Variants in ARHGAP15 observed in about 807,000 individuals in gnomAD.
ARHGAP15 encodes Rho GTPase activating protein 15.
A neutral mutation model predicts 63.7 loss-of-function variants in ARHGAP15; 51 were observed. The observed-to-expected ratio is 0.80, with a 90% CI of 0.64 to 1.01. ARHGAP15 has a LOEUF of 1.01. Among genes scored for constraint, ARHGAP15 ranks in the 50% least tolerant of loss-of-function variants. ARHGAP15 has a pLI of 0.00. For missense variants in ARHGAP15, 560 were observed against 564.6 expected, an observed-to-expected ratio of 0.99 and a Z score of 0.08; for synonymous variants, 191 against 193.8, an observed-to-expected ratio of 0.99 and a Z score of 0.12.
chr2:143,187,083 A>G (rs1452945961), intron 2 of ARHGAP15, among the ~76,000 whole-genome samples: 3 of 152,220 alleles, frequency 2.0e-5, no homozygotes, highest in Middle Eastern at 3.4e-3. Context: ...CAGCCAAGAG[A>G]TTATTTTGCA....
intron 2 of ARHGAP15, among the ~76,000 whole-genome samples, chr2:143,156,220 A>T (rs985034078): frequency 6.6e-6 from 1 of 151,888 alleles, no homozygotes; most frequent in Non-Finnish European, 1.5e-5. Flanking sequence ...ATTTGAAATA[A>T]AATAGTTAGA....
At chr2:143,569,778 T>C (rs1696379425) in intron 11 of ARHGAP15, among the ~76,000 whole-genome samples, 1 of 152,176 alleles carries the variant, frequency 6.6e-6, no homozygotes, top group South Asian at 2.1e-4. Flanking sequence ...AAAGAGTACA[T>C]ACAGGGGACA....
intron 11 of ARHGAP15, among the ~76,000 whole-genome samples, chr2:143,591,203 C>G (rs969853753): frequency 6.6e-6 from 1 of 152,056 alleles, no homozygotes; most frequent in Non-Finnish European, 1.5e-5. Flanking sequence ...ATTATTTTTC[C>G]TACTAATCCT....
intron 13 of ARHGAP15, among the ~76,000 whole-genome samples, chr2:143,748,072 T>C (rs540695729): frequency 6.6e-6 from 1 of 152,338 alleles, no homozygotes; most frequent in East Asian, 1.9e-4. Flanking sequence ...AAGATGAGAA[T>C]TACAAAATTA....
chr2:143,593,553 T>C (rs1697397834), intron 11 of ARHGAP15, among the ~76,000 whole-genome samples: 1 of 152,212 alleles, frequency 6.6e-6, no homozygotes, highest in Admixed American at 6.5e-5. Flanking sequence ...TCCGTGGTTA[T>C]TTTATGATTA....
chr2:143,735,026 G>A (rs181963863), intron 13 of ARHGAP15, among the ~76,000 whole-genome samples: 59 of 152,214 alleles, frequency 3.9e-4, no homozygotes, highest in African/African-American at 1.2e-3. Flanking sequence ...ATTAAAAAAC[G>A]AAATAGTAGT....
At chr2:143,645,232 A>G (rs1680813150) in intron 12 of ARHGAP15, among the ~76,000 whole-genome samples, 2 of 152,046 alleles carry the variant, frequency 1.3e-5, no homozygotes, top group South Asian at 4.1e-4. Flanking sequence ...AATGAAACCA[A>G]CTCCCTTGAT....
chr2:143,470,947 C>G (rs564863356), intron 8 of ARHGAP15, among the ~76,000 whole-genome samples: 1 of 139,106 alleles, frequency 7.2e-6, no homozygotes, highest in East Asian at 3.1e-4. Flanking sequence ...TGTGTATATA[C>G]ACACATGTGT....
intron 6 of ARHGAP15, among the ~76,000 whole-genome samples, chr2:143,383,281 C>T (rs1413692059): frequency 2.0e-5 from 3 of 152,222 alleles, no homozygotes; most frequent in Non-Finnish European, 4.4e-5. Context: ...ATTGTCACTT[C>T]TATTGGAAAA....
intron 6 of ARHGAP15, among the ~76,000 whole-genome samples, chr2:143,360,468 T>G (rs983005587): frequency 2.6e-5 from 4 of 151,744 alleles, no homozygotes. Context: ...CATCAACAAC[T>G]TAAAAGCAAC....
intron 10 of ARHGAP15, among the ~76,000 whole-genome samples, chr2:143,544,009 G>C (rs753313381): frequency 6.6e-6 from 1 of 152,084 alleles, no homozygotes; most frequent in African/African-American, 2.4e-5. Context: ...GCTACCTCTT[G>C]TCTTTTGCTT....
At chr2:143,534,550 TGAA>T in intron 10 of ARHGAP15, among the ~76,000 whole-genome samples, 1 of 42,168 alleles carries the variant, frequency 2.4e-5, no homozygotes, top group Non-Finnish European at 5.2e-5. Context: ...GAGAATGCCA[TGAA>T]ATATTCACGA....
chr2:143,273,886 T>A (rs1558859466), intron 6 of ARHGAP15, among the ~76,000 whole-genome samples: 1 of 152,150 alleles, frequency 6.6e-6, no homozygotes, highest in African/African-American at 2.4e-5. Flanking sequence ...GTCTGGCTCA[T>A]GGAGTTCAAA....
At chr2:143,581,701 A>G (rs1344352948) in intron 11 of ARHGAP15, among the ~76,000 whole-genome samples, 1 of 152,170 alleles carries the variant, frequency 6.6e-6, no homozygotes, top group Non-Finnish European at 1.5e-5. Flanking sequence ...GAGTTACAGG[A>G]AAAAAATGTA....
At chr2:143,224,149 G>A (rs1010614489) in intron 4 of ARHGAP15, among the ~76,000 whole-genome samples, 10 of 152,110 alleles carry the variant, frequency 6.6e-5, no homozygotes, top group Non-Finnish European at 1.0e-4. Context: ...GCTCAGCGTG[G>A]GAAGCCCTCT....
At chr2:143,492,107 C>T (rs1380285968) in intron 9 of ARHGAP15, among the ~76,000 whole-genome samples, 2 of 152,084 alleles carry the variant, frequency 1.3e-5, no homozygotes, top group African/African-American at 4.8e-5. Flanking sequence ...GTCTTGAACT[C>T]CTGAGCTAAG....
In ARHGAP15 at chr2:143,216,507, T is replaced by G. The variant is rs1031363742; in HGVS notation, c.296+62T>G. On this transcript the variant is annotated intron_variant, in intron 4 of 13. Coordinates refer to ENST00000295095, the MANE Select transcript of ARHGAP15 (RefSeq NM_018460.4). ...GCTGGTTCTTCATATGCTAAACTTGTGCCACTGTTATTGTTTGGGATGCAA... is the reference window on the plus strand; with the variant it reads ...GCTGGTTCTTCATATGCTAAACTTGGGCCACTGTTATTGTTTGGGATGCAA... The G allele has an allele frequency of 4.0e-6, 5 of 1,264,028 alleles. No individual in the cohort carries two copies. The African/African-American group carries it at 7.4e-5, about 19-fold the overall frequency. The allele number at this position is 1,264,028 out of a possible 1,614,324, so 78.3% of individuals were successfully genotyped here. A position where few individuals can be genotyped will look rare whatever the true frequency, so the allele number is the denominator to read the frequency against.
chr2:143,199,388 G>A (rs1444601342), intron 2 of ARHGAP15, among the ~76,000 whole-genome samples: 1 of 152,082 alleles, frequency 6.6e-6, no homozygotes, highest in Non-Finnish European at 1.5e-5. Flanking sequence ...TTTTCTTCAG[G>A]AACTCCCTCT....
intron 11 of ARHGAP15, among the ~76,000 whole-genome samples, chr2:143,577,798 G>T (rs145008876): frequency 0.011 from 1,674 of 152,214 alleles, 29 homozygotes; most frequent in African/African-American, 0.038. Context: ...GGAGGTAGAG[G>T]GAGATTCCCA....
Sources: allele counts gnomAD v4.1 joint callset (sites outside exome capture counted in the v4.1 genomes callset), GRCh38; gene constraint gnomAD v4.1.1; transcripts MANE v1.5; gene names NCBI Gene and HGNC (gene_info 2026-07-23, HGNC 2026-07-21).